Variants in PRORP observed in about 807,000 individuals in gnomAD.
PRORP encodes the protein mitochondrial ribonuclease P catalytic subunit.
In PRORP, 51 loss-of-function variants were observed where a neutral mutation model predicts 59.4. The observed-to-expected ratio is 0.86, with a 90% CI of 0.69 to 1.08. The LOEUF (loss-of-function observed/expected upper bound fraction) is 1.08, where lower values mean the gene tolerates loss of function less well. Among genes scored for constraint, PRORP ranks in the 50% least tolerant of loss-of-function variants. PRORP has a pLI of 0.00. For synonymous variants in PRORP, 231 were observed against 245.6 expected, an observed-to-expected ratio of 0.94 and a Z score of 0.55; for missense variants, 646 against 690.3, an observed-to-expected ratio of 0.94 and a Z score of 0.72.
intron 5 of PRORP, among the ~76,000 whole-genome samples, chr14:35,203,555 A>G (rs1230782680): frequency 6.6e-6 from 1 of 152,110 alleles, no homozygotes; most frequent in Non-Finnish European, 1.5e-5. Context: ...TTAAAAATCC[A>G]GATTTTAGTC....
chr14:35,184,882 C>T (rs1379663846), intron 5 of PRORP, among the ~76,000 whole-genome samples: 1 of 152,136 alleles, frequency 6.6e-6, no homozygotes, highest in Non-Finnish European at 1.5e-5. Context: ...CATAGTACTC[C>T]ATGTTGTATA....
At chr14:35,237,991 G>A (rs945772748) in intron 5 of PRORP, among the ~76,000 whole-genome samples, 4 of 151,768 alleles carry the variant, frequency 2.6e-5, no homozygotes, top group Non-Finnish European at 4.4e-5. Context: ...TGTTCATTAA[G>A]TCAAACAAAC....
chr14:35,244,551 T>C (rs2050438929), intron 5 of PRORP, among the ~76,000 whole-genome samples: 1 of 152,098 alleles, frequency 6.6e-6, no homozygotes, highest in Non-Finnish European at 1.5e-5. Flanking sequence ...GGTTTAAACA[T>C]ATGAGGTTGC....
intron 6 of PRORP, among the ~76,000 whole-genome samples, chr14:35,268,747 C>A (rs2051111328): frequency 6.6e-6 from 1 of 152,180 alleles, no homozygotes; most frequent in Admixed American, 6.5e-5. Context: ...AGGCACCCGC[C>A]ACCATGCCCA....
chr14:35,273,183 G>A lies in PRORP; in HGVS notation c.1621-252G>A, dbSNP rs887349996. On this transcript the variant is annotated intron_variant, in intron 7 of 7. Transcript: ENST00000534898. The stretch of plus-strand genomic sequence containing the variant: ...AAACTGATAGAGCCAACAAAAGAAC[G>A]TCTGTATTACATAAATGTAATGCTT... Among the ~76,000 whole-genome samples the A allele has an allele frequency of 3.9e-5, 6 of 152,166 alleles. No individual in the cohort carries two copies. In the East Asian group the frequency reaches 9.6e-4, roughly 24 times the overall value.
intron 5 of PRORP, among the ~76,000 whole-genome samples, chr14:35,229,230 C>G (rs2050012417): frequency 6.6e-6 from 1 of 152,022 alleles, no homozygotes; most frequent in Non-Finnish European, 1.5e-5. Context: ...ATTATTTTCT[C>G]CTATTTGTAG....
chr14:35,129,997 T>C (rs2047196372), intron 4 of PRORP, among the ~76,000 whole-genome samples: 1 of 150,916 alleles, frequency 6.6e-6, no homozygotes, highest in Non-Finnish European at 1.5e-5. Context: ...TTATAGTCGT[T>C]ATTATTTTTG....
intron 5 of PRORP, among the ~76,000 whole-genome samples, chr14:35,216,120 A>ATATAATATATAATATATTTATATTTATG (rs1424892634): frequency 1.4e-5 from 2 of 147,868 alleles, no homozygotes; most frequent in East Asian, 3.9e-4. Flanking sequence ...TTATATTTAT[A>ATATAATATATAATATATTTATATTTATG]TATAATATAT....
intron 5 of PRORP, among the ~76,000 whole-genome samples, chr14:35,213,043 T>G (rs1280607977): frequency 6.6e-6 from 1 of 152,212 alleles, no homozygotes; most frequent in Non-Finnish European, 1.5e-5. Context: ...TTAAACCTCA[T>G]GAGCCAACCT....
intron 5 of PRORP, among the ~76,000 whole-genome samples, chr14:35,259,255 AAT>A (rs779271529): frequency 2.5e-4 from 38 of 152,156 alleles, no homozygotes; most frequent in Non-Finnish European, 4.7e-4. Flanking sequence ...ATTTAATATT[AAT>A]ATAGCCACTC....
At chr14:35,223,276 G>A (rs1488259473) in intron 5 of PRORP, among the ~76,000 whole-genome samples, 1 of 150,746 alleles carries the variant, frequency 6.6e-6, no homozygotes, top group African/African-American at 2.4e-5. Context: ...TGGGAGAGGT[G>A]ACGTTTCCCG....
At position 35,152,759 on chromosome 14, in the gene PRORP, C is replaced by T. The variant is rs1303297826; in HGVS notation, c.1167+25148C>T. ...GCTCCTCACCTCCCAGACGGGGTGG[C>T]GGCCGGGCAGAGGCGCTCCTCACAT... On this transcript the variant is annotated intron_variant, in intron 4 of 7. Coordinates refer to ENST00000534898, the MANE Select transcript of PRORP (RefSeq NM_014672.4). 2.7e-5 allele frequency among the ~76,000 whole-genome samples: 4 copies of T among 149,244 alleles called. No individual in the cohort carries two copies. In the East Asian group the frequency reaches 6.0e-4, roughly 22 times the overall value.
intron 4 of PRORP, among the ~76,000 whole-genome samples, chr14:35,180,069 A>G (rs7141699): frequency 0.59 from 89,414 of 151,996 alleles, 26,454 homozygotes; most frequent in East Asian, 0.69. Context: ...AACAGCAAAT[A>G]TTGCTGCCTG....
chr14:35,160,403 G>A (rs1202583672), intron 4 of PRORP, among the ~76,000 whole-genome samples: 1 of 152,146 alleles, frequency 6.6e-6, no homozygotes, highest in African/African-American at 2.4e-5. Context: ...ACATTAGTCA[G>A]ATTTACTGTT....
chr14:35,193,528 C>T (rs1320425671), intron 5 of PRORP, among the ~76,000 whole-genome samples: 2 of 151,820 alleles, frequency 1.3e-5, no homozygotes, highest in Non-Finnish European at 2.9e-5. Flanking sequence ...TATTTTATTT[C>T]TTTCTGTTGA....
At chr14:35,166,192 G>T (rs1487556693) in intron 4 of PRORP, among the ~76,000 whole-genome samples, 1 of 151,910 alleles carries the variant, frequency 6.6e-6, no homozygotes, top group Non-Finnish European at 1.5e-5. Flanking sequence ...CAAAATTTGT[G>T]CTGCATTTCA....
chr14:35,185,407 C>G (rs2048718540), intron 5 of PRORP, among the ~76,000 whole-genome samples: 1 of 151,990 alleles, frequency 6.6e-6, no homozygotes, highest in Non-Finnish European at 1.5e-5. Context: ...TAACCTAAAT[C>G]TTAACTTTAA....
At chr14:35,167,902 A>C (rs1595227929) in intron 4 of PRORP, among the ~76,000 whole-genome samples, 1 of 152,374 alleles carries the variant, frequency 6.6e-6, no homozygotes, top group Non-Finnish European at 1.5e-5. Context: ...TGATCGTCAC[A>C]TGTTAACTAT....
intron 4 of PRORP, among the ~76,000 whole-genome samples, chr14:35,162,517 T>C (rs530118677): frequency 6.6e-6 from 1 of 152,290 alleles, no homozygotes; most frequent in African/African-American, 2.4e-5. Flanking sequence ...TGCTCCTGTC[T>C]TGTCTGTTTT....
Sources: gnomAD v4.1 joint callset for allele counts (sites outside exome capture counted in the v4.1 genomes callset) on GRCh38, gnomAD v4.1.1 for gene constraint, MANE v1.5 for transcripts, NCBI Gene and HGNC (gene_info 2026-07-23, HGNC 2026-07-21) for gene names.